The following TBX15 variants were observed in gnomAD, a reference collection of about 807,000 sequenced individuals.
TBX15 encodes the protein T-box transcription factor 15.
Under a neutral mutation model 53.9 loss-of-function variants are expected in TBX15, and 18 were observed. The observed-to-expected ratio is 0.33, with a 90% CI of 0.23 to 0.49. The LOEUF (loss-of-function observed/expected upper bound fraction) is 0.49, where lower values mean the gene tolerates loss of function less well. TBX15 is among the 20% of genes least tolerant of loss of function. The pLI is 0.98. For synonymous variants in TBX15, 295 were observed against 278.0 expected (o/e 1.06, Z -0.61); for missense variants, 692 against 749.5 (o/e 0.92, Z 0.90).
chr1:118,967,454 T>C (rs569726366), intron 1 of TBX15, among the ~76,000 whole-genome samples: 1 of 152,180 alleles, frequency 6.6e-6, no homozygotes, highest in Non-Finnish European at 1.5e-5. Flanking sequence ...AAATGATGTG[T>C]TTGCCACCAC....
rs112568103 is a variant in TBX15, at chr1:118,963,851, A to G, written c.205+23740T>C. Among the ~76,000 whole-genome samples the G allele has an allele frequency of 6.0e-4, 91 of 152,352 alleles. 4 individuals are homozygous for G. The highest frequency in any genetic ancestry group is 2.0e-3 in the African/African-American group (82 of 41,594). ...GTAAGCATGATGCAAGAGTTGATAC[A>G]TGTTTGCACACTGGAGCCTGTCCTC... On this transcript the variant is annotated intron_variant, in intron 1 of 7. Coordinates refer to ENST00000369429, the MANE Select transcript of TBX15 (RefSeq NM_001330677.2).
intron 5 of TBX15, among the ~76,000 whole-genome samples, chr1:118,915,342 T>C (rs961064437): frequency 2.0e-5 from 3 of 152,232 alleles, no homozygotes; most frequent in Non-Finnish European, 1.5e-5. Context: ...CTAGTTCTCT[T>C]TCACCTCATT....
chr1:118,890,903 C>G (rs1393881160), intron 7 of TBX15: 8 of 1,304,052 alleles, frequency 6.1e-6, no homozygotes, highest in Non-Finnish European at 8.1e-6. Context: ...TCGTATAATT[C>G]AATGGCATCT....
At chr1:118,930,706 G>A (rs564746086) in intron 2 of TBX15, among the ~76,000 whole-genome samples, 35 of 152,314 alleles carry the variant, frequency 2.3e-4, no homozygotes, top group Admixed American at 5.9e-4. Flanking sequence ...GTGAGCCACC[G>A]TGCCCGGCCC....
Position 118,954,350 on chromosome 1 carries a change from A to G in TBX15, c.206-22518T>C, listed in dbSNP as rs1336481149. On this transcript the variant is annotated intron_variant, in intron 1 of 7. Coordinates refer to ENST00000369429, the MANE Select transcript of TBX15 (RefSeq NM_001330677.2). ...AACAGATAAATTAAGATCAAGGCAC[A>G]AGGCAGTTCTAAAAGCACCAGCCTA... Among the ~76,000 whole-genome samples, 3 of 152,198 alleles carry G rather than the reference A, an allele frequency of 2.0e-5. No homozygotes were observed. In the East Asian group the frequency reaches 5.8e-4, roughly 29 times the overall value.
chr1:118,898,963 T>G, intron 7 of TBX15, 65 bp downstream of exon 7: 2 of 1,514,232 alleles, frequency 1.3e-6, no homozygotes. Context: ...TGTGCTATAT[T>G]CGGTTGAGCT....
rs111763608 is a variant in TBX15, at chr1:118,970,328, C to T, written c.205+17263G>A. The stretch of plus-strand genomic sequence containing the variant: ...TAACAATGGCTTGGAAACCACCACC[C>T]CTGCAGAACCCACAATGACACTGGG... On this transcript the variant is annotated intron_variant, in intron 1 of 7. Coordinates refer to ENST00000369429, the MANE Select transcript of TBX15 (RefSeq NM_001330677.2). Among the ~76,000 whole-genome samples, 92 of 152,288 alleles carry T rather than the reference C, an allele frequency of 6.0e-4. 4 individuals are homozygous for T. The highest frequency in any genetic ancestry group is 2.0e-3 in the African/African-American group (83 of 41,568).
chr1:118,899,691 A>G (rs557969172), intron 6 of TBX15, among the ~76,000 whole-genome samples: 6 of 152,352 alleles, frequency 3.9e-5, no homozygotes, highest in South Asian at 4.1e-4. Context: ...CTGCTGCAAT[A>G]AGAAACACCT....
chr1:118,887,631 T>C (rs1279784607), intron 7 of TBX15, among the ~76,000 whole-genome samples: 1 of 146,898 alleles, frequency 6.8e-6, no homozygotes, highest in African/African-American at 2.5e-5. Context: ...GCCAAGATAG[T>C]GCCATTGCAC....
chr1:118,911,472 T>C (rs1172592918), intron 6 of TBX15, among the ~76,000 whole-genome samples: 1 of 152,210 alleles, frequency 6.6e-6, no homozygotes, highest in African/African-American at 2.4e-5. Context: ...CTGTCTGCCC[T>C]GAGCAGTAAG....
At chr1:118,963,103 T>A (rs1383500786) in intron 1 of TBX15, among the ~76,000 whole-genome samples, 2 of 152,212 alleles carry the variant, frequency 1.3e-5, no homozygotes, top group Non-Finnish European at 2.9e-5. Context: ...AGCCTAACAT[T>A]CTTGTTGAAA....
At position 118,987,637 on chromosome 1, in the gene TBX15, G is replaced by A. The variant is rs1213264886; in HGVS notation, c.159C>T (p.Leu53=). 6.5e-6 allele frequency: 10 copies of A among 1,549,838 alleles called. No individual in the cohort carries two copies. The change falls in exon 1 of 8, where the codon CTC becomes CTT. Residue 53 remains leucine (L), a synonymous_variant. Transcript: ENST00000369429. The part of the protein sequence containing the change: ...SMEALSPAGP[L]GDTEDAAAHG... ...GTGCCGCCGCGTCCTCCGTGTCTCC[G>A]AGTGGGCCCGCGGGGCTCAGCGCCT...
intron 1 of TBX15, among the ~76,000 whole-genome samples, chr1:118,981,334 A>T (rs1657645450): frequency 6.6e-6 from 1 of 151,864 alleles, no homozygotes; most frequent in Non-Finnish European, 1.5e-5. Context: ...ACACACACAC[A>T]CACACAATGG....
intron 1 of TBX15, among the ~76,000 whole-genome samples, chr1:118,935,085 G>A (rs746976026): frequency 4.6e-5 from 7 of 152,102 alleles, no homozygotes; most frequent in Admixed American, 6.6e-5. Context: ...AGGGCCACCC[G>A]TGGGGTAAGC....
intron 1 of TBX15, among the ~76,000 whole-genome samples, chr1:118,983,749 T>C (rs972440096): frequency 2.0e-5 from 3 of 152,202 alleles, no homozygotes; most frequent in Non-Finnish European, 4.4e-5. Context: ...TCCTTGTCCC[T>C]GGACTCAACC....
At chr1:118,890,931 A>T (rs1447826440) in intron 7 of TBX15, 1 of 1,304,172 alleles carries the variant, frequency 7.7e-7, no homozygotes, top group East Asian at 5.5e-5. Flanking sequence ...AGGAGTGCTG[A>T]TTCACTGTGT....
intron 7 of TBX15, among the ~76,000 whole-genome samples, chr1:118,890,091 A>T (rs1329167273): frequency 6.6e-6 from 1 of 152,196 alleles, no homozygotes; most frequent in Admixed American, 6.5e-5. Flanking sequence ...TTATGTCACA[A>T]CAGCTACATG....
intron 1 of TBX15, among the ~76,000 whole-genome samples, chr1:118,957,944 T>C (rs1431426575): frequency 6.6e-6 from 1 of 152,254 alleles, no homozygotes; most frequent in Non-Finnish European, 1.5e-5. Flanking sequence ...ATCATGCTGC[T>C]ATAAAGACAC....
At chr1:118,915,561 G>C (rs1435816358) in intron 5 of TBX15, among the ~76,000 whole-genome samples, 1 of 152,196 alleles carries the variant, frequency 6.6e-6, no homozygotes, top group Non-Finnish European at 1.5e-5. Context: ...ATAGACCATA[G>C]CAGGAGTCTA....
Sources: gnomAD v4.1 joint callset for allele counts (sites outside exome capture counted in the v4.1 genomes callset) on GRCh38, gnomAD v4.1.1 for gene constraint, MANE v1.5 for transcripts, NCBI Gene and HGNC (gene_info 2026-07-23, HGNC 2026-07-21) for gene names.